Variants in PI4KB observed in about 807,000 individuals in gnomAD.
PI4KB encodes phosphatidylinositol 4-kinase beta.
Under a neutral mutation model 81.4 loss-of-function variants are expected in PI4KB, and 23 were observed. The observed-to-expected ratio is 0.28, with a 90% CI of 0.20 to 0.40. The LOEUF is 0.40. Ranked by LOEUF, PI4KB falls within the 10% of genes least tolerant of loss-of-function variation. The pLI is 1.00. For missense variants in PI4KB, 651 were observed against 1,036.6 expected (o/e 0.63, Z 5.11); for synonymous variants, 381 against 406.8 (o/e 0.94, Z 0.76).
Position 151,303,413 on chromosome 1 carries a change from A to C in PI4KB, c.1520+128T>G, listed in dbSNP as rs587717166. 1.1e-5 allele frequency: 8 copies of C among 726,856 alleles called. No homozygotes were observed. In the African/African-American group the frequency reaches 1.2e-4, roughly 11 times the overall value. 45.0% of individuals were successfully genotyped at this position (726,856 alleles called of 1,614,324 possible). A position where few individuals can be genotyped will look rare whatever the true frequency, so the allele number is the denominator to read the frequency against. ...GCCTCAAGTTTGGTGGCCCCAAACA[A>C]GGACAGAATGAAAGAGGGAAAGACA... On this transcript the variant is annotated intron_variant, in intron 6 of 11. Transcript: ENST00000368873.
chr1:151,326,083 T>C (rs968944254), intron 1 of PI4KB: 17 of 1,234,624 alleles, frequency 1.4e-5, no homozygotes, highest in Non-Finnish European at 1.9e-5. Flanking sequence ...TGATTCCTCA[T>C]GGATCTGGAC....
At chr1:151,314,947 C>T (rs892667377) in intron 2 of PI4KB, among the ~76,000 whole-genome samples, 2 of 152,132 alleles carry the variant, frequency 1.3e-5, no homozygotes, top group East Asian at 1.9e-4. Context: ...TTCTCATTAA[C>T]ATAGTAGATG....
intron 4 of PI4KB, among the ~76,000 whole-genome samples, chr1:151,307,074 C>CA (rs931411563): frequency 2.1e-4 from 31 of 147,042 alleles, no homozygotes; most frequent in African/African-American, 4.7e-4. Context: ...GACTCCATCT[C>CA]AAAAAAAAAA....
intron 1 of PI4KB, among the ~76,000 whole-genome samples, chr1:151,325,956 T>C (rs1159329421): frequency 6.6e-6 from 1 of 152,184 alleles, no homozygotes; most frequent in African/African-American, 2.4e-5. Flanking sequence ...CGATTCTGAA[T>C]GTACAAGCTC....
At chr1:151,303,354 T>G (rs1695469276) in intron 6 of PI4KB, 187 bp downstream of exon 6, 1 of 596,632 alleles carries the variant, frequency 1.7e-6, no homozygotes, top group South Asian at 1.9e-5. Flanking sequence ...CCTTCTTTGG[T>G]AGCCCAAGTA....
intron 1 of PI4KB, among the ~76,000 whole-genome samples, chr1:151,323,801 A>G (rs1209814571): frequency 6.6e-6 from 1 of 152,196 alleles, no homozygotes; most frequent in East Asian, 1.9e-4. Flanking sequence ...ATCTAAAGCT[A>G]TGGTGATAAC....
intron 5 of PI4KB, 72 bp downstream of exon 5, chr1:151,306,062 CTT>C: frequency 8.0e-7 from 1 of 1,245,496 alleles, no homozygotes; most frequent in Admixed American, 1.8e-5. Flanking sequence ...GATATGCTGT[CTT>C]GTTTCCAATA....
chr1:151,294,924 A>C (rs587666865), intron 9 of PI4KB, among the ~76,000 whole-genome samples: 3 of 152,330 alleles, frequency 2.0e-5, no homozygotes, highest in African/African-American at 7.2e-5. Context: ...CAAGCGCTCT[A>C]CTCAGGGGAG....
rs1305698765 is a variant in PI4KB at position 151,293,367 on chromosome 1, C to T, written c.2270-334G>A. 14 of 1,330,030 alleles carry T rather than the reference C, an allele frequency of 1.1e-5. No homozygotes were observed. The Admixed American group carries it at 3.3e-4, about 31-fold the overall frequency. The allele number at this position is 1,330,030 out of a possible 1,614,324, so 82.4% of individuals were successfully genotyped here. ...CCTGAGCTGGGCACTTATCTGGTTG[C>T]AGACCTCTGCCTATGCTACGTCTGA... On this transcript the variant is annotated intron_variant, in intron 11 of 11. Coordinates refer to ENST00000368873, the MANE Select transcript of PI4KB (RefSeq NM_001369623.2).
At chr1:151,302,974 T>C (rs1175365872) in intron 6 of PI4KB, among the ~76,000 whole-genome samples, 28 of 148,508 alleles carry the variant, frequency 1.9e-4, no homozygotes, top group African/African-American at 6.9e-4. Context: ...CTGCTCAAAC[T>C]CCTTCCTCTG....
At chr1:151,300,041 A>G (rs961666003) in intron 8 of PI4KB, among the ~76,000 whole-genome samples, 1 of 152,268 alleles carries the variant, frequency 6.6e-6, no homozygotes, top group African/African-American at 2.4e-5. Flanking sequence ...GAAGTTTTCC[A>G]GTAATTTCAG....
rs887187208 is a variant in PI4KB at position 151,291,884 on chromosome 1, A to T, written c.*968T>A. 1 of 151,984 alleles carries T rather than the reference A, an allele frequency of 6.6e-6. No individual in the cohort carries two copies. Among genetic ancestry groups the T allele is most frequent in the African/African-American group, 2.4e-5 (1 of 41,160 alleles). 9.4% of individuals were successfully genotyped at this position (151,984 alleles called of 1,614,324 possible). ...CTAGGGAGAAAACCAGACCATTAAAACTGTTTGTGGTCGAATCTCCATTCA... is the reference window on the plus strand; with the variant it reads ...CTAGGGAGAAAACCAGACCATTAAATCTGTTTGTGGTCGAATCTCCATTCA... On this transcript the variant is annotated 3_prime_UTR_variant, in exon 12 of 12. Coordinates refer to ENST00000368873, the MANE Select transcript of PI4KB (RefSeq NM_001369623.2).
At chr1:151,313,085 C>T (rs1040346013) in intron 2 of PI4KB, among the ~76,000 whole-genome samples, 3 of 150,798 alleles carry the variant, frequency 2.0e-5, no homozygotes, top group African/African-American at 4.9e-5. Context: ...GAAGGAAGGA[C>T]GGATGGAAGG....
intron 3 of PI4KB, among the ~76,000 whole-genome samples, chr1:151,308,207 T>C (rs1695943829): frequency 6.6e-6 from 1 of 152,088 alleles, no homozygotes. Context: ...GGGTTGTCCT[T>C]CTCCCCATCT....
intron 2 of PI4KB, among the ~76,000 whole-genome samples, chr1:151,314,531 CTCT>C (rs1647616305): frequency 6.6e-6 from 1 of 152,204 alleles, no homozygotes; most frequent in South Asian, 2.1e-4. Flanking sequence ...CTGTAGCTTC[CTCT>C]TCTTCCCAGC....
At chr1:151,325,897 A>C (rs1237794304) in intron 1 of PI4KB, among the ~76,000 whole-genome samples, 1 of 152,168 alleles carries the variant, frequency 6.6e-6, no homozygotes, top group Admixed American at 6.5e-5. Context: ...TTCCAAAAGG[A>C]TCACTCTAGA....
At chr1:151,308,361 T>G (rs1202684106) in intron 3 of PI4KB, among the ~76,000 whole-genome samples, 1 of 152,188 alleles carries the variant, frequency 6.6e-6, no homozygotes, top group Admixed American at 6.5e-5. Flanking sequence ...TATCCCCCTG[T>G]CCGTCCCACA....
intron 2 of PI4KB, among the ~76,000 whole-genome samples, chr1:151,314,824 C>T (rs1647668254): frequency 6.6e-6 from 1 of 152,124 alleles, no homozygotes; most frequent in Non-Finnish European, 1.5e-5. Context: ...ATCTCCCCTA[C>T]CCCAGCACAC....
intron 1 of PI4KB, among the ~76,000 whole-genome samples, chr1:151,325,068 T>C (rs1030837756): frequency 2.0e-5 from 3 of 150,336 alleles, no homozygotes; most frequent in Non-Finnish European, 4.4e-5. Flanking sequence ...CTCGGCTCAC[T>C]GCAACCTTCG....
Sources: gnomAD v4.1 joint callset for allele counts (sites outside exome capture counted in the v4.1 genomes callset) on GRCh38, gnomAD v4.1.1 for gene constraint, MANE v1.5 for transcripts, NCBI Gene and HGNC (gene_info 2026-07-23, HGNC 2026-07-21) for gene names.